The following RANBP2 variants were observed in gnomAD, a reference collection of about 807,000 sequenced individuals.
RANBP2 encodes E3 SUMO-protein ligase RanBP2.
Under a neutral mutation model 303.6 loss-of-function variants are expected in RANBP2, and 57 were observed. The observed-to-expected ratio is 0.19, with a 90% CI of 0.15 to 0.23. The LOEUF (loss-of-function observed/expected upper bound fraction) is 0.23, where lower values mean the gene tolerates loss of function less well. Ranked by LOEUF, RANBP2 falls within the 10% of genes least tolerant of loss-of-function variation. The pLI is 1.00. For missense variants in RANBP2, 3,138 were observed against 3,780.8 expected, an observed-to-expected ratio of 0.83 and a Z score of 4.46; for synonymous variants, 1,167 against 1,301.5, an observed-to-expected ratio of 0.90 and a Z score of 2.23.
the RANBP2 span, among the ~76,000 whole-genome samples, chr2:109,664,750 T>A: frequency 6.6e-6 from 1 of 152,088 alleles, no homozygotes; most frequent in Non-Finnish European, 1.5e-5. Flanking sequence ...GCTAACATGG[T>A]GAAACCCTAC....
At chr2:108,803,004 A>G in the RANBP2 span, among the ~76,000 whole-genome samples, 1 of 152,160 alleles carries the variant, frequency 6.6e-6, no homozygotes, top group Non-Finnish European at 1.5e-5. Flanking sequence ...AAGCCTTTGC[A>G]ATGTTGCTGT....
the RANBP2 span, among the ~76,000 whole-genome samples, chr2:109,262,567 G>A: frequency 3.3e-5 from 5 of 152,140 alleles, no homozygotes; most frequent in Non-Finnish European, 7.4e-5. Flanking sequence ...ATTATTTTAC[G>A]TAATGTTGTT....
At chr2:109,374,825 C>T in the RANBP2 span, among the ~76,000 whole-genome samples, 1 of 152,222 alleles carries the variant, frequency 6.6e-6, no homozygotes, top group Non-Finnish European at 1.5e-5. Flanking sequence ...TCTCACCTCG[C>T]CTGGCCTCAC....
chr2:109,355,391 GGACTAGGACTCTCT>G, the RANBP2 span, among the ~76,000 whole-genome samples: 1 of 152,158 alleles, frequency 6.6e-6, no homozygotes, highest in Non-Finnish European at 1.5e-5. Context: ...AAGGGTTGGT[GGACTAGGACTCTCT>G]GACCAAATCC....
the RANBP2 span, among the ~76,000 whole-genome samples, chr2:109,078,268 G>A: frequency 2.8e-4 from 13 of 46,250 alleles, 2 homozygotes; most frequent in East Asian, 5.9e-4. Flanking sequence ...TATATAGCGC[G>A]TATATATATA....
intron 6 of RANBP2, 84 bp downstream of exon 6, chr2:108,736,333 T>C: frequency 6.2e-7 from 1 of 1,606,724 alleles, no homozygotes; most frequent in Non-Finnish European, 8.5e-7. Context: ...ACTTCTTCAC[T>C]GAATCATTAT....
the RANBP2 span, among the ~76,000 whole-genome samples, chr2:109,035,894 A>G: frequency 6.6e-6 from 1 of 152,238 alleles, no homozygotes; most frequent in Non-Finnish European, 1.5e-5. Context: ...TGAAAGAACC[A>G]GAGAGAAATG....
the RANBP2 span, among the ~76,000 whole-genome samples, chr2:109,018,810 A>C: frequency 0.14 from 21,875 of 152,176 alleles, 2,347 homozygotes; most frequent in African/African-American, 0.3. Flanking sequence ...ACGTACAGCA[A>C]CACTTGTCCT....
chr2:108,911,561 G>T, the RANBP2 span, among the ~76,000 whole-genome samples: 12 of 152,212 alleles, frequency 7.9e-5, no homozygotes, highest in African/African-American at 2.9e-4. Context: ...GGGCACAGGG[G>T]GTGCCTCGGC....
chr2:109,613,389 TC>T, the RANBP2 span: 1 of 326,614 alleles, frequency 3.1e-6, no homozygotes, highest in Admixed American at 3.8e-5. Flanking sequence ...CCGGGCTTTC[TC>T]CCGGCGGCAG....
At chr2:109,625,626 A>G in the RANBP2 span, among the ~76,000 whole-genome samples, 1 of 152,174 alleles carries the variant, frequency 6.6e-6, no homozygotes, top group Non-Finnish European at 1.5e-5. Context: ...AGATCACGCC[A>G]CTGCACTCCA....
the RANBP2 span, among the ~76,000 whole-genome samples, chr2:109,622,931 C>A: frequency 1.3e-5 from 2 of 152,258 alleles, no homozygotes; most frequent in East Asian, 3.9e-4. Context: ...AGTTCGAGAC[C>A]AGCTGGCCAA....
chr2:109,185,645 T>C, the RANBP2 span, among the ~76,000 whole-genome samples: 1 of 152,082 alleles, frequency 6.6e-6, no homozygotes, highest in Non-Finnish European at 1.5e-5. Context: ...AGGACAGCCC[T>C]CAGACACTCC....
the RANBP2 span, among the ~76,000 whole-genome samples, chr2:109,299,157 G>A: frequency 6.6e-6 from 1 of 152,202 alleles, no homozygotes; most frequent in Non-Finnish European, 1.5e-5. Context: ...TTGCCTCCAT[G>A]CCACCTGCTC....
chr2:109,213,849 G>A, the RANBP2 span, among the ~76,000 whole-genome samples: 4 of 152,198 alleles, frequency 2.6e-5, no homozygotes, highest in Non-Finnish European at 5.9e-5. Flanking sequence ...CAGCCCGTGG[G>A]TCGTTCTGAG....
the RANBP2 span, among the ~76,000 whole-genome samples, chr2:109,742,428 AC>A: frequency 1.6e-5 from 2 of 125,240 alleles, no homozygotes; most frequent in Non-Finnish European, 3.3e-5. Flanking sequence ...TCTCAAAAAA[AC>A]AAAAACAAAA....
chr2:109,490,462 T>C, the RANBP2 span: 3 of 687,766 alleles, frequency 4.4e-6, no homozygotes, highest in Non-Finnish European at 6.5e-6. Flanking sequence ...CTGCTGTTGC[T>C]GTGAGTGGTA....
chr2:109,189,253 C>G, the RANBP2 span, among the ~76,000 whole-genome samples: 5 of 151,844 alleles, frequency 3.3e-5, no homozygotes, highest in Admixed American at 3.3e-4. Context: ...TGAGGTCTGG[C>G]CAAGCTTGAT....
chr2:108,963,629 C>T, the RANBP2 span, among the ~76,000 whole-genome samples: 1 of 152,100 alleles, frequency 6.6e-6, no homozygotes, highest in Non-Finnish European at 1.5e-5. Context: ...TTAGAGACTC[C>T]GTTTTATAAA....
Sources: gnomAD v4.1 joint callset for allele counts (sites outside exome capture counted in the v4.1 genomes callset) on GRCh38, gnomAD v4.1.1 for gene constraint, MANE v1.5 for transcripts, NCBI Gene and HGNC (gene_info 2026-07-23, HGNC 2026-07-21) for gene names.